RALYL: variants seen among roughly 807,000 people sequenced by gnomAD.
The protein encoded by RALYL is RNA-binding Raly-like protein.
Under a neutral mutation model 35.1 loss-of-function variants are expected in RALYL, and 29 were observed. That is an observed-to-expected ratio of 0.83 (90% CI 0.61 to 1.13). The LOEUF is 1.13. RALYL is among the 50% of genes most tolerant of loss of function. The pLI is 0.00. For missense variants in RALYL, 359 were observed against 360.4 expected, an observed-to-expected ratio of 1.00 and a Z score of 0.03; for synonymous variants, 120 against 127.6, an observed-to-expected ratio of 0.94 and a Z score of 0.40.
chr8:84,294,440 G>C (rs1477086590), intron 1 of RALYL, among the ~76,000 whole-genome samples: 1 of 152,140 alleles, frequency 6.6e-6, no homozygotes, highest in Non-Finnish European at 1.5e-5. Context: ...GAGGATAATA[G>C]TAGTATCTAA....
At chr8:84,791,207 G>C (rs1048487686) in intron 3 of RALYL, among the ~76,000 whole-genome samples, 12 of 152,180 alleles carry the variant, frequency 7.9e-5, no homozygotes, top group Admixed American at 2.0e-4. Context: ...CTGAGAACAT[G>C]ACATTTGAGC....
intron 2 of RALYL, among the ~76,000 whole-genome samples, chr8:84,534,732 A>G (rs1026792558): frequency 2.0e-5 from 3 of 152,140 alleles, no homozygotes; most frequent in Admixed American, 6.5e-5. Context: ...AGGAAGGAGA[A>G]GTGGCAATTA....
In RALYL at chr8:84,866,870, G is replaced by T. The variant is rs1339951878; in HGVS notation, c.571+4417G>T. Among the ~76,000 whole-genome samples the T allele has an allele frequency of 3.3e-5, 5 of 152,262 alleles. No individual in the cohort carries two copies. In the East Asian group the frequency reaches 7.7e-4, roughly 24 times the overall value. The stretch of plus-strand genomic sequence containing the variant: ...GAGTATTGAAGGGTTCAGATTTCAT[G>T]CAGGGCCAAGATAAAAAAATTCTCA... On this transcript the variant is annotated intron_variant, in intron 6 of 8. Transcript: ENST00000521268.
chr8:84,677,396 A>G (rs1834433089), intron 2 of RALYL, among the ~76,000 whole-genome samples: 1 of 152,226 alleles, frequency 6.6e-6, no homozygotes, highest in Non-Finnish European at 1.5e-5. Context: ...TGGTCATTGT[A>G]CTACTTATAA....
At chr8:84,887,577 T>C (rs1843104344) in intron 7 of RALYL, 27 bp from the exon 8 acceptor site, 2 of 1,571,926 alleles carry the variant, frequency 1.3e-6, no homozygotes, top group African/African-American at 3.2e-5. Context: ...CCCAAGGTAG[T>C]AGTCATTTGC....
chr8:84,304,986 GTTTA>G (rs1020795293), intron 1 of RALYL, among the ~76,000 whole-genome samples: 7 of 152,098 alleles, frequency 4.6e-5, no homozygotes, highest in African/African-American at 9.7e-5. Context: ...TATTAAAACT[GTTTA>G]TTCATATGAC....
intron 2 of RALYL, among the ~76,000 whole-genome samples, chr8:84,771,899 A>AT (rs1044110307): frequency 6.6e-6 from 1 of 152,056 alleles, no homozygotes; most frequent in Non-Finnish European, 1.5e-5. Context: ...AAGGTTAGCG[A>AT]TTTTTTATGT....
chr8:84,723,777 A>G (rs1844432670), intron 2 of RALYL, among the ~76,000 whole-genome samples: 1 of 151,820 alleles, frequency 6.6e-6, no homozygotes, highest in African/African-American at 2.4e-5. Context: ...AGTTATTTTT[A>G]TTATTGCAAT....
intron 2 of RALYL, among the ~76,000 whole-genome samples, chr8:84,743,167 T>G (rs544067751): frequency 6.6e-6 from 1 of 152,024 alleles, no homozygotes; most frequent in Non-Finnish European, 1.5e-5. Flanking sequence ...ACAGGATTAA[T>G]GTAATCATTT....
chr8:84,706,915 C>G (rs1841322058), intron 2 of RALYL, among the ~76,000 whole-genome samples: 1 of 152,074 alleles, frequency 6.6e-6, no homozygotes, highest in African/African-American at 2.4e-5. Context: ...CTGTCACTGT[C>G]TCTATTTATC....
chr8:84,677,155 A>G (rs1834378679), intron 2 of RALYL, among the ~76,000 whole-genome samples: 1 of 152,206 alleles, frequency 6.6e-6, no homozygotes, highest in South Asian at 2.1e-4. Flanking sequence ...AAGAAGCCAA[A>G]AGATTTTATC....
At chr8:84,489,743 G>A (rs1015996328) in intron 1 of RALYL, among the ~76,000 whole-genome samples, 2 of 152,034 alleles carry the variant, frequency 1.3e-5, no homozygotes, top group African/African-American at 2.4e-5. Flanking sequence ...GTAGTAATCA[G>A]ATAGACAATG....
intron 3 of RALYL, among the ~76,000 whole-genome samples, chr8:84,776,935 A>G (rs897546387): frequency 2.0e-5 from 3 of 152,340 alleles, no homozygotes; most frequent in Non-Finnish European, 4.4e-5. Context: ...TTAAGGCTGT[A>G]CACTGAAATT....
At chr8:84,483,153 CAT>C (rs1409446858) in intron 1 of RALYL, among the ~76,000 whole-genome samples, 2 of 152,002 alleles carry the variant, frequency 1.3e-5, no homozygotes, top group Non-Finnish European at 1.5e-5. Context: ...ATAGAGATAA[CAT>C]TGTTTCAATT....
At chr8:84,847,281 G>A (rs938820849) in intron 4 of RALYL, among the ~76,000 whole-genome samples, 1 of 152,174 alleles carries the variant, frequency 6.6e-6, no homozygotes, top group African/African-American at 2.4e-5. Flanking sequence ...TGGCGAAAGT[G>A]GTTTGCCCCA....
chr8:84,720,073 T>C (rs1271540449), intron 2 of RALYL, among the ~76,000 whole-genome samples: 1 of 152,118 alleles, frequency 6.6e-6, no homozygotes, highest in Non-Finnish European at 1.5e-5. Context: ...TTCATGCATG[T>C]TGTCACAAAT....
intron 2 of RALYL, among the ~76,000 whole-genome samples, chr8:84,549,166 G>A (rs536990585): frequency 1.6e-4 from 24 of 152,258 alleles, no homozygotes; most frequent in African/African-American, 5.8e-4. Context: ...TTCTCTCCAT[G>A]TGCTTACTCA....
At chr8:84,510,929 C>A (rs1169644184) in intron 1 of RALYL, among the ~76,000 whole-genome samples, 1 of 152,142 alleles carries the variant, frequency 6.6e-6, no homozygotes, top group Admixed American at 6.5e-5. Context: ...ACTCACCTAT[C>A]ATTTTTATGC....
At chr8:84,568,932 A>G (rs1341525785) in intron 2 of RALYL, among the ~76,000 whole-genome samples, 19 of 151,230 alleles carry the variant, frequency 1.3e-4, no homozygotes, top group Non-Finnish European at 2.8e-4. Flanking sequence ...AGTTCATTGT[A>G]GATTCTGGAT....
Sources: gnomAD v4.1 joint callset for allele counts (sites outside exome capture counted in the v4.1 genomes callset) on GRCh38, gnomAD v4.1.1 for gene constraint, MANE v1.5 for transcripts, NCBI Gene and HGNC (gene_info 2026-07-23, HGNC 2026-07-21) for gene names.